The following NCAM2 variants were observed in gnomAD, a reference collection of about 807,000 sequenced individuals.
NCAM2 encodes the protein N-CAM-2.
In NCAM2, 30 loss-of-function variants were observed where a neutral mutation model predicts 98.1. That is an observed-to-expected ratio of 0.31 (90% CI 0.23 to 0.41). The LOEUF is 0.41. Ranked by LOEUF, NCAM2 falls within the 10% of genes least tolerant of loss-of-function variation. The probability of loss-of-function intolerance (pLI) is 1.00; values close to 1 mark genes in which losing one functional copy is unlikely to be tolerated. For synonymous variants in NCAM2, 368 were observed against 342.4 expected, an observed-to-expected ratio of 1.07 and a Z score of -0.83; for missense variants, 867 against 1,005.8, an observed-to-expected ratio of 0.86 and a Z score of 1.87.
At chr21:21,165,496 C>CA (rs2067921983) in intron 1 of NCAM2, among the ~76,000 whole-genome samples, 1 of 152,108 alleles carries the variant, frequency 6.6e-6, no homozygotes, top group Non-Finnish European at 1.5e-5. Context: ...CAGTGTGGCC[C>CA]AGGGCCTCAA....
chr21:21,127,534 G>A (rs896252272), intron 1 of NCAM2, among the ~76,000 whole-genome samples: 2 of 151,840 alleles, frequency 1.3e-5, no homozygotes, highest in African/African-American at 4.8e-5. Context: ...GCCTTATTGT[G>A]CTATCGAACA....
intron 1 of NCAM2, among the ~76,000 whole-genome samples, chr21:21,059,903 A>T (rs1039528088): frequency 1.3e-5 from 2 of 152,136 alleles, no homozygotes; most frequent in Non-Finnish European, 2.9e-5. Context: ...AGACAGAGAA[A>T]TTCTGGTCTA....
At chr21:21,101,477 A>G (rs976248205) in intron 1 of NCAM2, among the ~76,000 whole-genome samples, 4 of 152,094 alleles carry the variant, frequency 2.6e-5, no homozygotes, top group African/African-American at 9.7e-5. Context: ...GAATCAAGGT[A>G]GAGTCAACAT....
At chr21:21,349,025 G>C (rs2075265352) in intron 8 of NCAM2, among the ~76,000 whole-genome samples, 1 of 151,912 alleles carries the variant, frequency 6.6e-6, no homozygotes, top group Admixed American at 6.6e-5. Context: ...CATTGACCTG[G>C]GCATAATTTT....
intron 1 of NCAM2, among the ~76,000 whole-genome samples, chr21:21,134,064 C>CTT (rs36062789): frequency 7.3e-6 from 1 of 137,504 alleles, no homozygotes; most frequent in Non-Finnish European, 1.6e-5. Context: ...CACTTCCTCT[C>CTT]TTTTTTTTTT....
chr21:21,146,937 C>G (rs1277817092), intron 1 of NCAM2, among the ~76,000 whole-genome samples: 1 of 151,472 alleles, frequency 6.6e-6, no homozygotes, highest in Non-Finnish European at 1.5e-5. Flanking sequence ...CCGCTGCCTT[C>G]TACTCCGGAA....
intron 1 of NCAM2, among the ~76,000 whole-genome samples, chr21:21,175,458 G>C (rs937253040): frequency 6.6e-6 from 1 of 152,134 alleles, no homozygotes; most frequent in African/African-American, 2.4e-5. Flanking sequence ...ACTTGAACCT[G>C]GGAGGTGGAG....
At chr21:21,258,955 A>G (rs563892813) in intron 1 of NCAM2, among the ~76,000 whole-genome samples, 14 of 152,254 alleles carry the variant, frequency 9.2e-5, no homozygotes, top group African/African-American at 2.4e-4. Flanking sequence ...CGTGGCACCA[A>G]TTGCTGAACA....
At chr21:21,474,898 G>GTA (rs1292425099) in intron 14 of NCAM2, among the ~76,000 whole-genome samples, 4 of 151,582 alleles carry the variant, frequency 2.6e-5, no homozygotes, top group Admixed American at 1.3e-4. Context: ...GTTTGTGTGT[G>GTA]TATATATATA....
Position 21,324,517 on chromosome 21 carries a change from C to G in NCAM2, c.737+17C>G, listed in dbSNP as rs232467. ...CTGGTTCAGGTAGGTTATGCACCCC[C>G]CTCCCTCTGGCTTGTGTCCATTATC... On this transcript the variant is annotated intron_variant, in intron 6 of 17. Transcript: ENST00000400546. 0.74 allele frequency: 1,135,214 copies of G among 1,527,714 alleles called. 426,180 individuals carry two copies. The highest frequency in any genetic ancestry group is 0.77 in the Non-Finnish European group (854,756 of 1,103,704). 94.6% of individuals were successfully genotyped at this position (1,527,714 alleles called of 1,614,324 possible).
At chr21:21,509,401 AAAAG>A (rs1182953096) in intron 16 of NCAM2, among the ~76,000 whole-genome samples, 1 of 152,214 alleles carries the variant, frequency 6.6e-6, no homozygotes, top group Non-Finnish European at 1.5e-5. Flanking sequence ...TATATTAAAT[AAAAG>A]AAAGGCTTCA....
intron 1 of NCAM2, among the ~76,000 whole-genome samples, chr21:21,048,207 A>T (rs146174808): frequency 3.2e-4 from 49 of 152,312 alleles, no homozygotes; most frequent in Non-Finnish European, 6.5e-4. Context: ...CTTGGTCTCC[A>T]CAATCCTTTA....
At chr21:21,496,428 C>T (rs1987240557) in intron 15 of NCAM2, among the ~76,000 whole-genome samples, 1 of 152,000 alleles carries the variant, frequency 6.6e-6, no homozygotes, top group Non-Finnish European at 1.5e-5. Context: ...TGAGAAGCGT[C>T]TGTCCATGTC....
chr21:21,242,107 G>T (rs1005504831), intron 1 of NCAM2, among the ~76,000 whole-genome samples: 7 of 152,034 alleles, frequency 4.6e-5, no homozygotes, highest in African/African-American at 1.7e-4. Flanking sequence ...ATACAAATTT[G>T]ATATATACAA....
chr21:21,309,452 C>A (rs114263441), intron 5 of NCAM2, among the ~76,000 whole-genome samples: 2,620 of 152,202 alleles, frequency 0.017, 76 homozygotes, highest in African/African-American at 0.06. Context: ...AATTCTTTAT[C>A]TGTCATGCAT....
At chr21:21,173,861 C>T (rs933783601) in intron 1 of NCAM2, among the ~76,000 whole-genome samples, 4 of 152,128 alleles carry the variant, frequency 2.6e-5, no homozygotes, top group Non-Finnish European at 4.4e-5. Context: ...TTAGCATACC[C>T]AGAGGCTTGA....
chr21:21,256,964 T>C (rs2071697226), intron 1 of NCAM2, among the ~76,000 whole-genome samples: 1 of 152,206 alleles, frequency 6.6e-6, no homozygotes, highest in Non-Finnish European at 1.5e-5. Flanking sequence ...ATGAGATAAT[T>C]GAGTTCCTTC....
chr21:21,500,137 A>C (rs1417189022), intron 15 of NCAM2, among the ~76,000 whole-genome samples: 1 of 152,174 alleles, frequency 6.6e-6, no homozygotes, highest in Non-Finnish European at 1.5e-5. Context: ...ATAAAATTCA[A>C]TCATGGTTGC....
chr21:21,318,095 A>G (rs1316528274), intron 5 of NCAM2, among the ~76,000 whole-genome samples: 2 of 152,162 alleles, frequency 1.3e-5, no homozygotes, highest in Non-Finnish European at 2.9e-5. Flanking sequence ...ACATGGTTGG[A>G]AAAGGGGTGA....
Sources: gnomAD v4.1 joint callset for allele counts (sites outside exome capture counted in the v4.1 genomes callset) on GRCh38, gnomAD v4.1.1 for gene constraint, MANE v1.5 for transcripts, NCBI Gene and HGNC (gene_info 2026-07-23, HGNC 2026-07-21) for gene names.